The following SMC1B variants were observed in gnomAD, a reference collection of about 807,000 sequenced individuals.
SMC1B encodes structural maintenance of chromosomes 1B.
SMC1B carries 60 observed loss-of-function variants against 157.9 expected under a neutral mutation model. That is an observed-to-expected ratio of 0.38 (90% CI 0.31 to 0.47). SMC1B has a LOEUF of 0.47. SMC1B is among the 20% of genes least tolerant of loss of function. The pLI, the probability that SMC1B is intolerant of heterozygous loss-of-function variation, is 0.99. For missense variants in SMC1B, 1,165 were observed against 1,426.2 expected (o/e 0.82, Z 2.95); for synonymous variants, 445 against 483.0 (o/e 0.92, Z 1.03).
intron 15 of SMC1B, 60 bp from the exon 16 acceptor site, chr22:45,363,086 T>A: frequency 8.2e-7 from 1 of 1,224,686 alleles, no homozygotes; most frequent in South Asian, 1.6e-5. Flanking sequence ...CCTTCTTTTT[T>A]CTTATGGGAA....
At chr22:45,348,334 T>C (rs926817958) in intron 23 of SMC1B, among the ~76,000 whole-genome samples, 2 of 151,470 alleles carry the variant, frequency 1.3e-5, no homozygotes, top group Admixed American at 1.3e-4. Context: ...GGTAGATCTC[T>C]TGAGCCCAAG....
chr22:45,389,187 A>G (rs1313510146), intron 10 of SMC1B, among the ~76,000 whole-genome samples: 1 of 152,166 alleles, frequency 6.6e-6, no homozygotes, highest in Non-Finnish European at 1.5e-5. Flanking sequence ...TTTCTTGAGT[A>G]ATCAATGAAA....
chr22:45,413,375 A>T (rs1276351718), intron 1 of SMC1B, 84 bp downstream of exon 1: 1 of 1,086,206 alleles, frequency 9.2e-7, no homozygotes, highest in African/African-American at 1.6e-5. Flanking sequence ...CCCGCGGCAG[A>T]CGCCCACACC....
At position 45,362,960 on chromosome 22, in the gene SMC1B, C is replaced by T; in HGVS notation, c.2487G>A (p.Lys829=). 6.2e-7 allele frequency: 1 copy of T among 1,602,678 alleles called. No individual in the cohort carries two copies. ...VQLEYSRSHL[K]KKLNKINTLK... The stretch of plus-strand genomic sequence containing the variant: ...ATGTGTTGATCTTATTCAGTTTCTT[C>T]TTAAGGTGACTGCGACTATACTCAA... Residue 829 remains lysine (K), a synonymous_variant, in exon 16 of 25, where the codon AAG becomes AAA. Coordinates refer to ENST00000357450, the MANE Select transcript of SMC1B (RefSeq NM_148674.5).
intron 6 of SMC1B, among the ~76,000 whole-genome samples, chr22:45,398,002 A>G (rs979177247): frequency 6.6e-6 from 1 of 152,174 alleles, no homozygotes; most frequent in Non-Finnish European, 1.5e-5. Context: ...CTCTGCTGGC[A>G]GAGGGCAGCT....
At chr22:45,395,949 G>A (rs1033629668) in intron 7 of SMC1B, among the ~76,000 whole-genome samples, 5 of 152,180 alleles carry the variant, frequency 3.3e-5, no homozygotes, top group African/African-American at 1.2e-4. Context: ...GGAAGGCTTT[G>A]CGGTGTTGGT....
intron 11 of SMC1B, among the ~76,000 whole-genome samples, chr22:45,386,285 A>G (rs2086988357): frequency 6.6e-6 from 1 of 152,086 alleles, no homozygotes. Flanking sequence ...TGAGTTTAAC[A>G]TTGCTCAACT....
chr22:45,386,210 C>A (rs977136371), intron 11 of SMC1B, among the ~76,000 whole-genome samples: 23 of 151,512 alleles, frequency 1.5e-4, no homozygotes, highest in Non-Finnish European at 3.2e-4. Context: ...TAGCTTATAC[C>A]CTTAAGCATT....
chr22:45,371,323 C>T, intron 14 of SMC1B, 148 bp downstream of exon 14: 1 of 1,248,732 alleles, frequency 8.0e-7, no homozygotes, highest in Non-Finnish European at 1.0e-6. Flanking sequence ...TTTGGCAAAC[C>T]AATAAAACTT....
chr22:45,359,589 T>C (rs957701789), intron 18 of SMC1B, among the ~76,000 whole-genome samples: 3 of 152,228 alleles, frequency 2.0e-5, no homozygotes. Flanking sequence ...ACTTTAATTC[T>C]CTGATTTCTC....
Position 45,344,319 on chromosome 22 carries a change from T to G in SMC1B, c.*237A>C. 3.3e-6 allele frequency: 1 copy of G among 303,994 alleles called. No individual in the cohort carries two copies. The highest frequency in any genetic ancestry group is 6.0e-6 in the Non-Finnish European group (1 of 166,406). The allele number at this position is 303,994 out of a possible 1,614,324, so 18.8% of individuals were successfully genotyped here. ...AATTATAGTACAAAATTGTACCTTT[T>G]GTTTGTTTTTTAAAAACTCATTTGA... On this transcript the variant is annotated 3_prime_UTR_variant, in exon 25 of 25. Transcript: ENST00000357450.
chr22:45,363,145 G>C, intron 15 of SMC1B, 119 bp from the exon 16 acceptor site: 1 of 655,368 alleles, frequency 1.5e-6, no homozygotes, highest in Non-Finnish European at 2.4e-6. Flanking sequence ...GAACTCCCAA[G>C]TAGCTGTCAC....
chr22:45,369,441 C>T (rs2086808396), intron 15 of SMC1B, among the ~76,000 whole-genome samples: 2 of 151,944 alleles, frequency 1.3e-5, no homozygotes, highest in South Asian at 4.2e-4. Flanking sequence ...AATTATGCCC[C>T]TATTCTCTTA....
At chr22:45,372,047 G>GAA (rs879487903) in intron 13 of SMC1B, 108 bp downstream of exon 13, 397 of 766,624 alleles carry the variant, frequency 5.2e-4, no homozygotes, top group Middle Eastern at 1.3e-3. Flanking sequence ...TCTGTCTCAG[G>GAA]AAAAAAAAAA....
At chr22:45,405,050 T>C (rs1287938761) in intron 4 of SMC1B, among the ~76,000 whole-genome samples, 1 of 152,194 alleles carries the variant, frequency 6.6e-6, no homozygotes, top group African/African-American at 2.4e-5. Context: ...AGTAAATGCC[T>C]ACCTGAGAAA....
At chr22:45,401,780 A>G (rs1043065728) in intron 5 of SMC1B, among the ~76,000 whole-genome samples, 1 of 150,118 alleles carries the variant, frequency 6.7e-6, no homozygotes, top group Non-Finnish European at 1.5e-5. Flanking sequence ...TATTAAACCC[A>G]CTCTTAACCT....
rs140173259 is a variant in SMC1B at position 45,372,358 on chromosome 22, T to C, written c.2059-66A>G. ...AAGCACTTTCACTTTTCAAAGTGCTTTCATATGTAATAATTCACTGATTTT... is the reference window on the plus strand; with the variant it reads ...AAGCACTTTCACTTTTCAAAGTGCTCTCATATGTAATAATTCACTGATTTT... On this transcript the variant is annotated intron_variant, in intron 12 of 24. Coordinates refer to ENST00000357450, the MANE Select transcript of SMC1B (RefSeq NM_148674.5). 9.5e-6 allele frequency: 13 copies of C among 1,374,474 alleles called. No individual in the cohort carries two copies. The East Asian group carries it at 2.9e-4, about 30-fold the overall frequency. The allele number at this position is 1,374,474 out of a possible 1,614,324, so 85.1% of individuals were successfully genotyped here.
intron 7 of SMC1B, among the ~76,000 whole-genome samples, chr22:45,395,095 G>A (rs1455154540): frequency 6.6e-6 from 1 of 152,100 alleles, no homozygotes; most frequent in Non-Finnish European, 1.5e-5. Flanking sequence ...AATTACTTTT[G>A]CAACAATCTA....
chr22:45,398,673 T>A lies in SMC1B; in HGVS notation c.1113+422A>T, dbSNP rs567199640. Among the ~76,000 whole-genome samples the A allele has an allele frequency of 2.7e-4, 41 of 152,034 alleles. No homozygotes were observed. The South Asian group carries it at 7.9e-3, about 29-fold the overall frequency. On this transcript the variant is annotated intron_variant, in intron 6 of 24. Transcript: ENST00000357450. ...GGAGAAACCCCGTCTCTACTAAAAA[T>A]ACAAAATCAGCCAGGCATGGTGGCG...
Sources: allele counts gnomAD v4.1 joint callset (sites outside exome capture counted in the v4.1 genomes callset), GRCh38; gene constraint gnomAD v4.1.1; transcripts MANE v1.5; gene names NCBI Gene and HGNC (gene_info 2026-07-23, HGNC 2026-07-21).